Variants in MYO10 observed in about 807,000 individuals in gnomAD.
MYO10 encodes unconventional myosin-X.
A neutral mutation model predicts 257.3 loss-of-function variants in MYO10; 133 were observed. The ratio of observed to expected loss-of-function variants is 0.52; its 90% CI spans 0.45 to 0.60. The LOEUF (loss-of-function observed/expected upper bound fraction) is 0.60, where lower values mean the gene tolerates loss of function less well. Among genes scored for constraint, MYO10 ranks in the 20% least tolerant of loss-of-function variants. The pLI, the probability that MYO10 is intolerant of heterozygous loss-of-function variation, is 0.00. For missense variants in MYO10, 2,399 were observed against 2,635.7 expected, an observed-to-expected ratio of 0.91 and a Z score of 1.97; for synonymous variants, 1,104 against 1,028.6, an observed-to-expected ratio of 1.07 and a Z score of -1.40.
intron 33 of MYO10, among the ~76,000 whole-genome samples, chr5:16,677,977 T>C (rs1159172560): frequency 6.6e-6 from 1 of 151,526 alleles, no homozygotes; most frequent in African/African-American, 2.4e-5. Context: ...GCCAGGCTGG[T>C]CTCAAACTCC....
At chr5:16,875,061 A>G (rs1744562585) in intron 2 of MYO10, among the ~76,000 whole-genome samples, 1 of 152,152 alleles carries the variant, frequency 6.6e-6, no homozygotes. Context: ...CATGGGAAAG[A>G]CTAGCCCCCG....
chr5:16,934,032 G>A (rs985550425), intron 1 of MYO10, among the ~76,000 whole-genome samples: 24 of 152,208 alleles, frequency 1.6e-4, no homozygotes, highest in Non-Finnish European at 3.4e-4. Flanking sequence ...AAAATGAAGA[G>A]GAGAAAGTAG....
chr5:16,741,314 T>C (rs1740010577), intron 19 of MYO10, among the ~76,000 whole-genome samples: 1 of 152,166 alleles, frequency 6.6e-6, no homozygotes, highest in African/African-American at 2.4e-5. Context: ...TCCGATAACA[T>C]CTCACATTTC....
At position 16,758,475 on chromosome 5, in the gene MYO10, G is replaced by A. The variant is rs529986247; in HGVS notation, c.1740-249C>T. Among the ~76,000 whole-genome samples the A allele has an allele frequency of 1.7e-4, 26 of 152,326 alleles. No individual in the cohort carries two copies. The South Asian group carries it at 5.2e-3, about 30-fold the overall frequency. ...GGGACTGGCATGACAGTGACAAAGG[G>A]TGGAATCCCACTTAGGAGCTCTGTG... On this transcript the variant is annotated intron_variant, in intron 17 of 40. Coordinates refer to ENST00000513610, the MANE Select transcript of MYO10 (RefSeq NM_012334.3).
Position 16,794,926 on chromosome 5 carries a change from A to T in MYO10, c.280-93T>A. On this transcript the variant is annotated intron_variant, in intron 3 of 40. Transcript: ENST00000513610. ...ACCCACCGAGTGTGCGCCAGGGGGA[A>T]AGACGTCTTCTGTCTCCCGGGTGCA... 4.9e-6 allele frequency: 5 copies of T among 1,019,764 alleles called. 1 individual carries two copies. In the South Asian group the frequency reaches 1.2e-4, roughly 25 times the overall value. The allele number at this position is 1,019,764 out of a possible 1,614,324, so 63.2% of individuals were successfully genotyped here. A position where few individuals can be genotyped will look rare whatever the true frequency, so the allele number is the denominator to read the frequency against.
Position 16,683,869 on chromosome 5 carries a change from T to G in MYO10, c.4046+11A>C. ...TGAGCTGTTTTTGTTAAGAGCCACA[T>G]CTGAGCTTACCTATCAGGGCTGTCA... On this transcript the variant is annotated intron_variant, in intron 30 of 40. Transcript: ENST00000513610. 3 of 1,613,594 alleles carry G rather than the reference T, an allele frequency of 1.9e-6. No individual in the cohort carries two copies. The highest frequency in any genetic ancestry group is 2.5e-6 in the Non-Finnish European group (3 of 1,179,756).
intron 1 of MYO10, among the ~76,000 whole-genome samples, chr5:16,921,411 C>T (rs1745977466): frequency 6.6e-6 from 1 of 151,998 alleles, no homozygotes; most frequent in African/African-American, 2.4e-5. Flanking sequence ...GCAGTGGTTC[C>T]AGCTGGCCAG....
chr5:16,821,557 C>G (rs1742815522), intron 2 of MYO10, among the ~76,000 whole-genome samples: 1 of 145,838 alleles, frequency 6.9e-6, no homozygotes, highest in Non-Finnish European at 1.5e-5. Context: ...ACCTCCACCT[C>G]CCAGGTTTAT....
intron 29 of MYO10, among the ~76,000 whole-genome samples, chr5:16,684,772 C>T (rs62372303): frequency 0.021 from 3,227 of 152,214 alleles, 73 homozygotes; most frequent in South Asian, 0.1. Flanking sequence ...GATTTCGGCC[C>T]AGCACAGTGG....
intron 26 of MYO10, among the ~76,000 whole-genome samples, chr5:16,695,887 C>T (rs1348264790): frequency 2.0e-5 from 3 of 152,212 alleles, no homozygotes; most frequent in African/African-American, 7.2e-5. Flanking sequence ...GAGGCCCCTG[C>T]TCATCTAGCT....
At chr5:16,754,341 G>C (rs1740467269) in intron 19 of MYO10, among the ~76,000 whole-genome samples, 1 of 152,008 alleles carries the variant, frequency 6.6e-6, no homozygotes, top group African/African-American at 2.4e-5. Flanking sequence ...AACCTTTAGA[G>C]TGCTTTCTAA....
chr5:16,782,811 G>T (rs1741461374), intron 5 of MYO10, among the ~76,000 whole-genome samples: 1 of 152,044 alleles, frequency 6.6e-6, no homozygotes, highest in Non-Finnish European at 1.5e-5. Flanking sequence ...AAGTTTTGAG[G>T]CTCCCTGTTA....
chr5:16,757,301 A>AACAC (rs71595978), intron 18 of MYO10, among the ~76,000 whole-genome samples: 4,384 of 84,302 alleles, frequency 0.052, 178 homozygotes, highest in African/African-American at 0.087. Flanking sequence ...CACACACACA[A>AACAC]ACACACACAC....
rs577994569 is a variant in MYO10, at chr5:16,863,057, G to A, written c.120+14552C>T. Among the ~76,000 whole-genome samples the A allele has an allele frequency of 8.5e-5, 13 of 152,282 alleles. No individual in the cohort carries two copies. In the East Asian group the frequency reaches 2.5e-3, roughly 29 times the overall value. On this transcript the variant is annotated intron_variant, in intron 2 of 40. Coordinates refer to ENST00000513610, the MANE Select transcript of MYO10 (RefSeq NM_012334.3). ...ATTCTAAGGGTTGGGAAGAAGAGGT[G>A]TAGTCTACAGACCCAGGGAGGAAAA...
intron 2 of MYO10, among the ~76,000 whole-genome samples, chr5:16,825,321 T>A (rs1225887911): frequency 2.0e-5 from 3 of 152,190 alleles, no homozygotes; most frequent in African/African-American, 7.2e-5. Context: ...TTATGACACA[T>A]TATAATCACT....
chr5:16,885,787 T>C (rs1413124107), intron 1 of MYO10, among the ~76,000 whole-genome samples: 3 of 151,966 alleles, frequency 2.0e-5, no homozygotes, highest in Non-Finnish European at 4.4e-5. Context: ...GGGAGCACTG[T>C]GAGCTGGGGC....
At chr5:16,801,578 G>C (rs1385493795) in intron 3 of MYO10, among the ~76,000 whole-genome samples, 1 of 152,132 alleles carries the variant, frequency 6.6e-6, no homozygotes, top group African/African-American at 2.4e-5. Context: ...AGGTGCTACT[G>C]CTGTGGTCCT....
Position 16,665,654 on chromosome 5 carries a change from A to G in MYO10, c.*1038T>C, listed in dbSNP as rs946919207. The G allele has an allele frequency of 1.2e-4, 18 of 152,376 alleles. No individual in the cohort carries two copies. The highest frequency in any genetic ancestry group is 3.9e-4 in the African/African-American group (16 of 41,428). The allele number at this position is 152,376 out of a possible 1,614,324, so 9.4% of individuals were successfully genotyped here. A position where few individuals can be genotyped will look rare whatever the true frequency, so the allele number is the denominator to read the frequency against. ...CTCCCCCATAGTCAACATGGTTATTATATCTGTAATCTATCCAGAATGATA... is the reference window on the plus strand; with the variant it reads ...CTCCCCCATAGTCAACATGGTTATTGTATCTGTAATCTATCCAGAATGATA... On this transcript the variant is annotated 3_prime_UTR_variant, in exon 41 of 41. Transcript: ENST00000513610.
At chr5:16,824,364 G>A (rs1742937683) in intron 2 of MYO10, among the ~76,000 whole-genome samples, 1 of 152,072 alleles carries the variant, frequency 6.6e-6, no homozygotes, top group African/African-American at 2.4e-5. Flanking sequence ...GTTAGAATTT[G>A]GGGGAGAGGA....
Sources: allele counts gnomAD v4.1 joint callset (sites outside exome capture counted in the v4.1 genomes callset), GRCh38; gene constraint gnomAD v4.1.1; transcripts MANE v1.5; gene names NCBI Gene and HGNC (gene_info 2026-07-23, HGNC 2026-07-21).